Variants in MAK observed in about 807,000 individuals in gnomAD.
MAK encodes male germ cell associated kinase.
MAK carries 65 observed loss-of-function variants against 82.6 expected under a neutral mutation model. The ratio of observed to expected loss-of-function variants is 0.79; its 90% CI spans 0.64 to 0.97. The LOEUF is 0.97. MAK is among the 50% of genes least tolerant of loss of function. The pLI, the probability that MAK is intolerant of heterozygous loss-of-function variation, is 0.00. For missense variants in MAK, 703 were observed against 780.2 expected (o/e 0.90, Z 1.18); for synonymous variants, 250 against 274.2 (o/e 0.91, Z 0.87).
chr6:10,795,754 AAAAG>A (rs1226778109), intron 9 of MAK, among the ~76,000 whole-genome samples: 2 of 152,226 alleles, frequency 1.3e-5, no homozygotes, highest in Non-Finnish European at 2.9e-5. Context: ...CAAAAAAAGA[AAAAG>A]AAAAAAGACT....
intron 8 of MAK, among the ~76,000 whole-genome samples, chr6:10,801,378 T>G (rs1396108296): frequency 1.3e-5 from 2 of 152,206 alleles, no homozygotes; most frequent in African/African-American, 4.8e-5. Context: ...TGTAGATATG[T>G]CAGGTGTAGT....
At chr6:10,792,181 C>T (rs1240391914) in intron 9 of MAK, among the ~76,000 whole-genome samples, 3 of 152,214 alleles carry the variant, frequency 2.0e-5, no homozygotes, top group Non-Finnish European at 4.4e-5. Context: ...TTCTCAAAGC[C>T]TTAGTGTCCT....
intron 6 of MAK, among the ~76,000 whole-genome samples, chr6:10,805,832 A>G (rs117231160): frequency 1.3e-5 from 2 of 152,290 alleles, no homozygotes; most frequent in East Asian, 3.9e-4. Context: ...CTTTCTCCCA[A>G]GGTGCCTTCA....
intron 12 of MAK, among the ~76,000 whole-genome samples, chr6:10,774,490 A>G (rs1032793256): frequency 6.6e-6 from 1 of 152,198 alleles, no homozygotes; most frequent in East Asian, 1.9e-4. Context: ...AGCATTAAGA[A>G]ATCTTGCTAA....
At chr6:10,795,013 A>G (rs991050160) in intron 9 of MAK, among the ~76,000 whole-genome samples, 2 of 151,522 alleles carry the variant, frequency 1.3e-5, no homozygotes, top group Non-Finnish European at 2.9e-5. Flanking sequence ...TAATAATAAT[A>G]ATAAATAAAA....
rs1255994993 is a variant in MAK at position 10,801,959 on chromosome 6, T to A, written c.764A>T (p.Asn255Ile). ...NLKTLIPNAS[N>I]EAIQLMTEML... ...TTCGGTCATGAGCTGAATAGCTTCA[T>A]TACTGGCATTGGGAATAAGAGTTTT... The change falls in exon 8 of 15, where the codon AAT (asparagine) becomes ATT (isoleucine). Residue 255 changes from asparagine to isoleucine, a missense_variant. Asn to Ile is a moderately radical substitution (Grantham distance 149). Coordinates refer to ENST00000354489, the MANE Select transcript of MAK (RefSeq NM_001242957.3). 3 of 1,613,900 alleles carry A rather than the reference T, an allele frequency of 1.9e-6. No homozygotes were observed. In the East Asian group the frequency reaches 6.7e-5, roughly 36 times the overall value.
chr6:10,827,004 G>A (rs867800004), intron 2 of MAK, among the ~76,000 whole-genome samples: 4 of 152,102 alleles, frequency 2.6e-5, no homozygotes, highest in South Asian at 2.1e-4. Context: ...CCAGCTACTC[G>A]GGAGGCTGAA....
rs897484200 is a variant in MAK at position 10,767,799 on chromosome 6, A to C, written c.1792+2312T>G. On this transcript the variant is annotated intron_variant, in intron 14 of 14. Coordinates refer to ENST00000354489, the MANE Select transcript of MAK (RefSeq NM_001242957.3). ...GAGCGAGACTTTGTCTCAAAAAAAA[A>C]AAAAAAAAAAAACAAAAACAAAAAT... Among the ~76,000 whole-genome samples the C allele has an allele frequency of 1.3e-5, 2 of 150,816 alleles. 1 individual carries two copies.
intron 13 of MAK, among the ~76,000 whole-genome samples, chr6:10,772,723 C>A (rs561176357): frequency 6.6e-6 from 1 of 151,964 alleles, no homozygotes; most frequent in African/African-American, 2.4e-5. Context: ...GAATATAGAT[C>A]GCAAAATTAG....
chr6:10,797,773 G>A (rs1044106190), intron 8 of MAK: 2 of 1,241,970 alleles, frequency 1.6e-6, no homozygotes, highest in African/African-American at 3.1e-5. Context: ...AGTTTTTAGA[G>A]GAACAGAAGG....
Position 10,764,498 on chromosome 6 carries a change from ACT to A in MAK, c.1899_1900del (p.Val634AlafsTer28), listed in dbSNP as rs754210226. The A allele has an allele frequency of 3.7e-6, 6 of 1,613,844 alleles. No homozygotes were observed. The African/African-American group carries it at 6.7e-5, about 18-fold the overall frequency. ...GGCCACCCAGTCTGTCCTCCCATGCACTGAGGGAATGGGCTGTGCACGGTTCA... is the reference window on the plus strand; with the variant it reads ...GGCCACCCAGTCTGTCCTCCCATGCAGAGGGAATGGGCTGTGCACGGTTCA... On this transcript the variant is annotated frameshift_variant, in exon 15 of 15. Transcript: ENST00000354489. LOFTEE classifies it high-confidence loss of function.
intron 11 of MAK, among the ~76,000 whole-genome samples, chr6:10,780,618 C>T (rs556155797): frequency 1.1e-3 from 161 of 152,048 alleles, no homozygotes; most frequent in Non-Finnish European, 9.6e-4. Context: ...CCACGCCCAG[C>T]TAATTTTTGT....
intron 10 of MAK, 49 bp from the exon 11 acceptor site, chr6:10,784,621 C>CTCGCCCACCCTCTGCACATA: frequency 6.6e-7 from 1 of 1,504,892 alleles, no homozygotes; most frequent in Non-Finnish European, 9.1e-7. Flanking sequence ...ACGAGAGGAT[C>CTCGCCCACCCTCTGCACATA]TCGCCCACCC....
At chr6:10,769,585 C>T (rs902440463) in intron 14 of MAK, among the ~76,000 whole-genome samples, 1 of 152,226 alleles carries the variant, frequency 6.6e-6, no homozygotes, top group Non-Finnish European at 1.5e-5. Flanking sequence ...ACTGTAGAGA[C>T]ACACCTCATG....
intron 11 of MAK, among the ~76,000 whole-genome samples, chr6:10,779,094 C>T (rs1237462996): frequency 7.0e-6 from 1 of 142,994 alleles, no homozygotes; most frequent in Non-Finnish European, 1.5e-5. Flanking sequence ...TACCACTGCA[C>T]TCCAGCCTGG....
At chr6:10,798,838 ATTTATTTT>A (rs1027863339) in intron 8 of MAK, among the ~76,000 whole-genome samples, 1 of 135,080 alleles carries the variant, frequency 7.4e-6, no homozygotes, top group African/African-American at 3.0e-5. Flanking sequence ...TTATTTATTT[ATTTATTTT>A]TGAGACAGAG....
chr6:10,815,912 G>GTACATATATATATATATATATATA (rs1554184484), intron 4 of MAK, among the ~76,000 whole-genome samples: 40 of 108,336 alleles, frequency 3.7e-4, no homozygotes, highest in Middle Eastern at 5.2e-3. Flanking sequence ...GCTTTATACA[G>GTACATATATATATATATATATATA]TATATATATA....
chr6:10,799,573 T>C (rs940922967), intron 8 of MAK, among the ~76,000 whole-genome samples: 1 of 151,996 alleles, frequency 6.6e-6, no homozygotes, highest in Non-Finnish European at 1.5e-5. Context: ...CAGGACAACA[T>C]AGTAAGACCC....
At chr6:10,780,414 GA>G (rs1464984755) in intron 11 of MAK, 24 of 153,606 alleles carry the variant, frequency 1.6e-4, no homozygotes, top group African/African-American at 5.9e-4. Flanking sequence ...TAAGTAAGAA[GA>G]TACTGATTTG....
Sources: allele counts gnomAD v4.1 joint callset (sites outside exome capture counted in the v4.1 genomes callset), GRCh38; gene constraint gnomAD v4.1.1; transcripts MANE v1.5; gene names NCBI Gene and HGNC (gene_info 2026-07-23, HGNC 2026-07-21).